The following MACROD2 variants were observed in gnomAD, a reference collection of about 807,000 sequenced individuals.
MACROD2 encodes ADP-ribose glycohydrolase MACROD2.
A neutral mutation model predicts 70.4 loss-of-function variants in MACROD2; 36 were observed. The ratio of observed to expected loss-of-function variants is 0.51; its 90% CI spans 0.39 to 0.68. The LOEUF (loss-of-function observed/expected upper bound fraction) is 0.68. Among genes scored for constraint, MACROD2 ranks in the 30% least tolerant of loss-of-function variants. MACROD2 has a pLI of 0.00. For synonymous variants in MACROD2, 172 were observed against 178.8 expected (o/e 0.96, Z 0.30); for missense variants, 496 against 538.4 (o/e 0.92, Z 0.78).
intron 5 of MACROD2, among the ~76,000 whole-genome samples, chr20:14,908,396 T>C (rs1304958961): frequency 1.3e-5 from 2 of 151,858 alleles, no homozygotes; most frequent in Non-Finnish European, 2.9e-5. Flanking sequence ...GGCTCATGCT[T>C]ATAATCCCAG....
intron 7 of MACROD2, among the ~76,000 whole-genome samples, chr20:15,444,502 G>C (rs1218542234): frequency 6.6e-6 from 1 of 152,118 alleles, no homozygotes; most frequent in Non-Finnish European, 1.5e-5. Flanking sequence ...ACTTTTGCTT[G>C]ATGGCTCTGG....
chr20:14,395,700 T>A (rs1231684097), intron 3 of MACROD2, among the ~76,000 whole-genome samples: 1 of 152,210 alleles, frequency 6.6e-6, no homozygotes, highest in East Asian at 1.9e-4. Context: ...ATACATTTCC[T>A]CTTTTCTAAT....
intron 3 of MACROD2, among the ~76,000 whole-genome samples, chr20:14,172,010 G>T (rs111347154): frequency 0.027 from 4,069 of 152,116 alleles, 53 homozygotes; most frequent in Non-Finnish European, 0.032. Context: ...TATAAATTCG[G>T]GAGCTGCCGT....
rs182062240 is a variant in MACROD2, at chr20:14,146,260, A to C, written c.271+60532A>C. 1.6e-3 allele frequency among the ~76,000 whole-genome samples: 251 copies of C among 152,212 alleles called. 2 individuals are homozygous for C. The highest frequency in any genetic ancestry group is 5.9e-3 in the African/African-American group (243 of 41,528). ...CGTGAACCTGGGAGGCGGAGCTTGC[A>C]GTGAGCCGAGGTGGCGCCACTGCAC... On this transcript the variant is annotated intron_variant, in intron 3 of 17. Transcript: ENST00000684519.
intron 10 of MACROD2, chr20:15,893,832 T>C (rs1268840888): frequency 8.5e-5 from 39 of 456,576 alleles, no homozygotes; most frequent in Non-Finnish European, 1.7e-4. Flanking sequence ...GATGCCAAGA[T>C]GGAAGCAGAA....
intron 6 of MACROD2, among the ~76,000 whole-genome samples, chr20:15,418,677 C>T (rs1293860767): frequency 6.6e-6 from 1 of 152,154 alleles, no homozygotes; most frequent in Non-Finnish European, 1.5e-5. Context: ...TCCATAATAA[C>T]CTCCACTTGG....
At chr20:15,099,680 G>A (rs1468558929) in intron 5 of MACROD2, among the ~76,000 whole-genome samples, 1 of 152,130 alleles carries the variant, frequency 6.6e-6, no homozygotes, top group Non-Finnish European at 1.5e-5. Flanking sequence ...TTTGGAAGGG[G>A]TGATGGACAC....
chr20:15,045,719 G>GTTTT lies in MACROD2; in HGVS notation c.419-184199_419-184196dup, dbSNP rs71335981. On this transcript the variant is annotated intron_variant, in intron 5 of 17. Coordinates refer to ENST00000684519, the MANE Select transcript of MACROD2 (RefSeq NM_001351661.2). ...TCTGATAATTTCTCTCCAGACCAGG[G>GTTTT]TTTTTTTTTTTTTTTTTTTTTTTTT... is the stretch of plus-strand genomic sequence containing the variant. Among the ~76,000 whole-genome samples the GTTTT allele has an allele frequency of 1.4e-3, 100 of 73,376 alleles. 1 individual carries two copies. The highest frequency in any genetic ancestry group is 3.8e-3 in the South Asian group (5 of 1,310). The allele number at this position is 73,376 out of a possible 152,430, so 48.1% of individuals were successfully genotyped here.
intron 5 of MACROD2, among the ~76,000 whole-genome samples, chr20:14,955,480 GAT>G (rs1200247319): frequency 6.6e-6 from 1 of 151,248 alleles, no homozygotes; most frequent in East Asian, 1.9e-4. Flanking sequence ...CGTATATTGC[GAT>G]ATGTCTGCCA....
intron 5 of MACROD2, among the ~76,000 whole-genome samples, chr20:14,957,137 A>AT (rs61254965): frequency 4.0e-5 from 6 of 151,592 alleles, no homozygotes; most frequent in Admixed American, 1.3e-4. Flanking sequence ...TGAGCACACA[A>AT]TTTTTTTTTA....
At chr20:15,616,098 C>CTTTTT (rs34011264) in intron 8 of MACROD2, among the ~76,000 whole-genome samples, 58 of 111,214 alleles carry the variant, frequency 5.2e-4, no homozygotes, top group East Asian at 1.1e-3. Flanking sequence ...GTTCCCCATT[C>CTTTTT]TTTTTTTTTT....
intron 8 of MACROD2, among the ~76,000 whole-genome samples, chr20:15,799,308 C>A (rs2147068908): frequency 6.6e-6 from 1 of 152,260 alleles, no homozygotes; most frequent in South Asian, 2.1e-4. Flanking sequence ...CATTTCAAAT[C>A]TTCTAGCTAT....
At chr20:15,860,443 A>G (rs769934549) in intron 8 of MACROD2, among the ~76,000 whole-genome samples, 1 of 152,148 alleles carries the variant, frequency 6.6e-6, no homozygotes, top group Non-Finnish European at 1.5e-5. Context: ...AAAAAAGTCA[A>G]CAATCGTAGA....
chr20:15,226,635 A>AT (rs1401809848), intron 5 of MACROD2, among the ~76,000 whole-genome samples: 1 of 152,174 alleles, frequency 6.6e-6, no homozygotes, highest in Non-Finnish European at 1.5e-5. Flanking sequence ...AATTAGTCAT[A>AT]TTTTGATATT....
At chr20:14,502,192 T>A (rs1317660057) in intron 4 of MACROD2, among the ~76,000 whole-genome samples, 1 of 152,216 alleles carries the variant, frequency 6.6e-6, no homozygotes, top group Non-Finnish European at 1.5e-5. Context: ...CAGAATTGTT[T>A]TTTTAACTGT....
chr20:15,780,548 G>A (rs555031035), intron 8 of MACROD2, among the ~76,000 whole-genome samples: 2 of 152,270 alleles, frequency 1.3e-5, no homozygotes, highest in South Asian at 4.1e-4. Context: ...GCTTTATCAC[G>A]TAAGACTTTA....
intron 6 of MACROD2, among the ~76,000 whole-genome samples, chr20:15,381,873 G>A (rs147413737): frequency 2.6e-5 from 4 of 152,270 alleles, no homozygotes; most frequent in African/African-American, 9.6e-5. Context: ...CTGCCCAGAT[G>A]AGTAAAATGG....
At chr20:15,630,565 A>T (rs1408113557) in intron 8 of MACROD2, among the ~76,000 whole-genome samples, 1 of 152,218 alleles carries the variant, frequency 6.6e-6, no homozygotes, top group Non-Finnish European at 1.5e-5. Flanking sequence ...ACAGGACGGG[A>T]GAAATGTCAT....
chr20:15,969,945 T>TATAA (rs149651082), intron 13 of MACROD2, among the ~76,000 whole-genome samples: 1,669 of 150,836 alleles, frequency 0.011, 27 homozygotes, highest in African/African-American at 0.038. Flanking sequence ...TTATAAATAA[T>TATAA]ATAAATAAAT....
Sources: allele counts gnomAD v4.1 joint callset (sites outside exome capture counted in the v4.1 genomes callset), GRCh38; gene constraint gnomAD v4.1.1; transcripts MANE v1.5; gene names NCBI Gene and HGNC (gene_info 2026-07-23, HGNC 2026-07-21).